The following ADGRB3 variants were observed in gnomAD, a reference collection of about 807,000 sequenced individuals.
ADGRB3 encodes adhesion G protein-coupled receptor B3.
Under a neutral mutation model 193.4 loss-of-function variants are expected in ADGRB3, and 37 were observed. The ratio of observed to expected loss-of-function variants is 0.19; its 90% confidence interval spans 0.15 to 0.25. The LOEUF is 0.25. ADGRB3 is among the 10% of genes least tolerant of loss of function. The pLI, the probability that ADGRB3 is intolerant of heterozygous loss-of-function variation, is 1.00. For missense variants in ADGRB3, 1,637 were observed against 1,852.9 expected, an observed-to-expected ratio of 0.88 and a Z score of 2.14; for synonymous variants, 690 against 644.2, an observed-to-expected ratio of 1.07 and a Z score of -1.08.
chr6:69,323,288 C>G (rs189808331), intron 20 of ADGRB3, among the ~76,000 whole-genome samples: 4 of 151,910 alleles, frequency 2.6e-5, no homozygotes, highest in Non-Finnish European at 2.9e-5. Flanking sequence ...GTTATCTAGT[C>G]TTTGGATAGC....
intron 3 of ADGRB3, among the ~76,000 whole-genome samples, chr6:68,926,064 G>T (rs1767170559): frequency 6.6e-6 from 1 of 151,928 alleles, no homozygotes. Flanking sequence ...AGATAATTTT[G>T]TTTTTCTCCC....
At chr6:69,014,201 A>T (rs1326437053) in intron 12 of ADGRB3, 95 bp downstream of exon 12, 7 of 919,536 alleles carry the variant, frequency 7.6e-6, no homozygotes, top group Non-Finnish European at 9.9e-6. Flanking sequence ...GGAAAACAAG[A>T]TATTTTTAAG....
At chr6:69,081,335 A>G (rs573718478) in intron 17 of ADGRB3, among the ~76,000 whole-genome samples, 8 of 152,134 alleles carry the variant, frequency 5.3e-5, no homozygotes, top group African/African-American at 1.9e-4. Flanking sequence ...CTGATCTCCA[A>G]AAAATGAAAT....
At chr6:69,062,229 G>A (rs1771769304) in intron 15 of ADGRB3, among the ~76,000 whole-genome samples, 1 of 151,416 alleles carries the variant, frequency 6.6e-6, no homozygotes, top group African/African-American at 2.4e-5. Flanking sequence ...GAAAAAGTTG[G>A]TTCAGTTTTA....
At chr6:69,383,321 G>T (rs762140321) in intron 31 of ADGRB3, among the ~76,000 whole-genome samples, 2 of 151,868 alleles carry the variant, frequency 1.3e-5, no homozygotes, top group Non-Finnish European at 2.9e-5. Context: ...TGTATATGAA[G>T]TTGTAACCTG....
chr6:68,813,930 C>A (rs1216747373), intron 3 of ADGRB3, among the ~76,000 whole-genome samples: 1 of 152,150 alleles, frequency 6.6e-6, no homozygotes, highest in African/African-American at 2.4e-5. Flanking sequence ...TGTATATGTG[C>A]CACATTTTCT....
intron 26 of ADGRB3, among the ~76,000 whole-genome samples, chr6:69,343,040 CAG>C (rs1406284399): frequency 1.3e-5 from 2 of 151,784 alleles, no homozygotes; most frequent in African/African-American, 2.4e-5. Context: ...TGGATCTACA[CAG>C]GGGAAGAATA....
intron 3 of ADGRB3, among the ~76,000 whole-genome samples, chr6:68,756,821 T>C (rs968739260): frequency 2.6e-5 from 4 of 152,202 alleles, no homozygotes; most frequent in South Asian, 4.1e-4. Context: ...TGATTAAAAT[T>C]GTTTACGTAT....
chr6:68,828,678 G>C (rs1582235229), intron 3 of ADGRB3, among the ~76,000 whole-genome samples: 2 of 151,960 alleles, frequency 1.3e-5, no homozygotes, highest in Admixed American at 1.3e-4. Flanking sequence ...ATATTTTCTT[G>C]ACACTTAGAA....
chr6:68,995,223 C>T (rs959734414), intron 11 of ADGRB3, among the ~76,000 whole-genome samples: 2 of 152,026 alleles, frequency 1.3e-5, no homozygotes, highest in Non-Finnish European at 2.9e-5. Flanking sequence ...ATAAAGTAAC[C>T]AAGTACTTTT....
intron 5 of ADGRB3, among the ~76,000 whole-genome samples, chr6:68,941,807 T>A (rs1351867064): frequency 2.0e-5 from 3 of 151,616 alleles, no homozygotes; most frequent in African/African-American, 7.3e-5. Context: ...TAAGTACTTT[T>A]AAACTATTTT....
In ADGRB3 at chr6:69,372,052, G is replaced by T. The variant is rs377709963; in HGVS notation, c.4240-354G>T. The stretch of plus-strand genomic sequence containing the variant: ...AATCCTGTTTGTCTGTAGCTTTGCT[G>T]TAGTAAGCCTAAAGTCTCTTTCAAG... On this transcript the variant is annotated intron_variant, in intron 29 of 31. Coordinates refer to ENST00000370598, the MANE Select transcript of ADGRB3 (RefSeq NM_001704.3). Among the ~76,000 whole-genome samples, 5 of 152,164 alleles carry T rather than the reference G, an allele frequency of 3.3e-5. No homozygotes were observed. The East Asian group carries it at 5.8e-4, about 18-fold the overall frequency.
chr6:69,341,568 C>T (rs998344934), intron 26 of ADGRB3, among the ~76,000 whole-genome samples: 1 of 152,090 alleles, frequency 6.6e-6, no homozygotes, highest in African/African-American at 2.4e-5. Flanking sequence ...GTTGCCAAGC[C>T]TTACTATTCC....
intron 3 of ADGRB3, among the ~76,000 whole-genome samples, chr6:68,844,070 A>G (rs1166478354): frequency 6.6e-6 from 1 of 152,184 alleles, no homozygotes; most frequent in African/African-American, 2.4e-5. Flanking sequence ...TGAAACTACT[A>G]CAAGAAAACA....
At chr6:68,889,595 T>A (rs1295187879) in intron 3 of ADGRB3, among the ~76,000 whole-genome samples, 1 of 151,816 alleles carries the variant, frequency 6.6e-6, no homozygotes, top group East Asian at 1.9e-4. Context: ...CTCCGCCTCC[T>A]GGGTTCACAC....
At chr6:69,126,308 T>C (rs558398407) in intron 17 of ADGRB3, among the ~76,000 whole-genome samples, 6 of 152,004 alleles carry the variant, frequency 3.9e-5, no homozygotes, top group African/African-American at 1.4e-4. Flanking sequence ...AGGAGATTTG[T>C]TAGGGGAATT....
chr6:68,652,642 A>G (rs980927802), intron 3 of ADGRB3, among the ~76,000 whole-genome samples: 5 of 152,168 alleles, frequency 3.3e-5, no homozygotes, highest in African/African-American at 9.7e-5. Context: ...ATTTTTAAGT[A>G]CAATTGATAA....
chr6:69,001,296 T>C (rs1484601524), intron 11 of ADGRB3, among the ~76,000 whole-genome samples: 1 of 152,242 alleles, frequency 6.6e-6, no homozygotes, highest in African/African-American at 2.4e-5. Context: ...CTTTATGATC[T>C]GCATTTTCCA....
intron 3 of ADGRB3, among the ~76,000 whole-genome samples, chr6:68,741,084 G>A (rs2127340994): frequency 6.6e-6 from 1 of 152,110 alleles, no homozygotes; most frequent in Non-Finnish European, 1.5e-5. Context: ...CCATTTGTCA[G>A]TTTGCTTGAC....
Sources: allele counts gnomAD v4.1 joint callset (sites outside exome capture counted in the v4.1 genomes callset), GRCh38; gene constraint gnomAD v4.1.1; transcripts MANE v1.5; gene names NCBI Gene and HGNC (gene_info 2026-07-23, HGNC 2026-07-21).